The following ZNF407 variants were observed in gnomAD, a reference collection of about 807,000 sequenced individuals.
ZNF407 encodes zinc finger protein 407.
A neutral mutation model predicts 131.2 loss-of-function variants in ZNF407; 17 were observed. The observed-to-expected ratio is 0.13, with a 90% CI of 0.09 to 0.19. The LOEUF (loss-of-function observed/expected upper bound fraction) is 0.19, where lower values mean the gene tolerates loss of function less well. Among genes scored for constraint, ZNF407 ranks in the 10% least tolerant of loss-of-function variants. The pLI, the probability that ZNF407 is intolerant of heterozygous loss-of-function variation, is 1.00. For missense variants in ZNF407, 2,681 were observed against 2,830.6 expected, an observed-to-expected ratio of 0.95 and a Z score of 1.20; for synonymous variants, 1,156 against 1,062.0, an observed-to-expected ratio of 1.09 and a Z score of -1.72.
At chr18:74,840,921 A>T (rs1360333062) in intron 4 of ZNF407, among the ~76,000 whole-genome samples, 1 of 152,212 alleles carries the variant, frequency 6.6e-6, no homozygotes, top group Non-Finnish European at 1.5e-5. Context: ...TCAGTTTGGT[A>T]AACACATTGA....
intron 3 of ZNF407, among the ~76,000 whole-genome samples, chr18:74,668,447 T>C (rs535111988): frequency 6.6e-6 from 1 of 152,364 alleles, no homozygotes; most frequent in African/African-American, 2.4e-5. Flanking sequence ...TAATGAATTG[T>C]TCTGTTCATC....
intron 4 of ZNF407, among the ~76,000 whole-genome samples, chr18:74,860,974 A>G (rs143515277): frequency 1.3e-5 from 2 of 152,224 alleles, no homozygotes; most frequent in African/African-American, 4.8e-5. Context: ...ACAAATATGG[A>G]CACATGAATA....
chr18:74,843,683 C>A (rs921774111), intron 4 of ZNF407, among the ~76,000 whole-genome samples: 5 of 152,140 alleles, frequency 3.3e-5, no homozygotes, highest in African/African-American at 1.2e-4. Flanking sequence ...CAAAATCTTG[C>A]TTTAATTTTT....
intron 8 of ZNF407, among the ~76,000 whole-genome samples, chr18:74,931,168 T>A (rs1430324103): frequency 6.6e-6 from 1 of 152,206 alleles, no homozygotes; most frequent in Non-Finnish European, 1.5e-5. Flanking sequence ...TCTTGGATGT[T>A]ACTCCGAAAG....
intron 8 of ZNF407, among the ~76,000 whole-genome samples, chr18:75,050,655 T>C (rs1205830892): frequency 7.2e-5 from 11 of 152,254 alleles, no homozygotes; most frequent in Non-Finnish European, 8.8e-5. Context: ...GCCTGTTCTC[T>C]GTCCAAGAGG....
intron 4 of ZNF407, among the ~76,000 whole-genome samples, chr18:74,813,000 T>G (rs1970218443): frequency 6.6e-6 from 1 of 152,220 alleles, no homozygotes. Context: ...ATTTCATCTC[T>G]TTGATGTGGT....
At chr18:75,036,961 C>T (rs1020429753) in intron 8 of ZNF407, among the ~76,000 whole-genome samples, 6 of 152,212 alleles carry the variant, frequency 3.9e-5, no homozygotes, top group Non-Finnish European at 7.3e-5. Flanking sequence ...TCTAGAACTA[C>T]GCGGATTGTC....
rs1238607079 is a variant in ZNF407 at position 74,635,419 on chromosome 18, G to T, written c.4400G>T (p.Gly1467Val). The change falls in exon 2 of 9, where the codon GGC becomes GTC. Residue 1467 changes from glycine (G) to valine (V), a missense_variant. Gly to Val is a moderately radical substitution (Grantham distance 109). Transcript: ENST00000299687. This position sits in a 1 kb window ranked among gnomAD's most constrained non-coding sequence, Gnocchi z 4.7. The part of the protein sequence containing the change: ...SNLHQHLASA[G>V]HMRNEQASVE... ...CTTCACCAGCATCTGGCTAGTGCCG[G>T]CCACATGAGAAATGAGCAGGCCAGT... The T allele has an allele frequency of 1.2e-6, 2 of 1,613,660 alleles. No homozygotes were observed. Among genetic ancestry groups the T allele is most frequent in the African/African-American group, 2.7e-5 (2 of 75,046 alleles).
At chr18:74,670,502 T>C (rs1188245678) in intron 3 of ZNF407, among the ~76,000 whole-genome samples, 3 of 152,186 alleles carry the variant, frequency 2.0e-5, no homozygotes, top group Non-Finnish European at 4.4e-5. Flanking sequence ...CTTTTAAGAC[T>C]AGTGAATACA....
chr18:74,622,017 C>T (rs1476591152), intron 1 of ZNF407, among the ~76,000 whole-genome samples: 1 of 152,090 alleles, frequency 6.6e-6, no homozygotes, highest in African/African-American at 2.4e-5. Flanking sequence ...TGTATACTCT[C>T]TTCTCGTGGA....
At chr18:74,781,317 A>G (rs1181407699) in intron 3 of ZNF407, 111 bp from the exon 4 acceptor site, 6 of 754,532 alleles carry the variant, frequency 8.0e-6, no homozygotes, top group Non-Finnish European at 1.1e-5. Context: ...CCACTGTAAT[A>G]CGCTTTTTAT....
chr18:74,788,364 A>G (rs769406994), intron 4 of ZNF407, among the ~76,000 whole-genome samples: 7 of 152,166 alleles, frequency 4.6e-5, no homozygotes, highest in Non-Finnish European at 7.3e-5. Context: ...GTGATTAGGC[A>G]TATTTTAATT....
At chr18:74,719,370 A>C (rs747809887) in intron 3 of ZNF407, among the ~76,000 whole-genome samples, 11 of 139,626 alleles carry the variant, frequency 7.9e-5, no homozygotes, top group Non-Finnish European at 1.4e-4. Context: ...CCTCTGTTCT[A>C]CTTTTTACTT....
intron 7 of ZNF407, among the ~76,000 whole-genome samples, chr18:74,916,740 C>T (rs1364930264): frequency 2.4e-5 from 3 of 123,912 alleles, no homozygotes; most frequent in African/African-American, 3.4e-5. Context: ...CATGTGTGTG[C>T]TGGTATGGTG....
In ZNF407 at chr18:74,635,486, C is replaced by T. The variant is rs950890990; in HGVS notation, c.4467C>T (p.Val1489=). ...AGGGAGGGGCCACCTTTAAATGTGT[C>T]AAGTGCACAGAGCCCTTTGATTCTG... ...LPEGGATFKC[V]KCTEPFDSEQ... is the part of the protein sequence containing the mutation. The change falls in exon 2 of 9, where the codon GTC becomes GTT. Residue 1489 remains valine, a synonymous_variant. Coordinates refer to ENST00000299687, the MANE Select transcript of ZNF407 (RefSeq NM_017757.3). This position sits in a 1 kb window ranked among gnomAD's most constrained non-coding sequence, Gnocchi z 4.7. 6.2e-6 allele frequency: 10 copies of T among 1,612,452 alleles called. No homozygotes were observed. The highest frequency in any genetic ancestry group is 8.5e-6 in the Non-Finnish European group (10 of 1,179,112).
chr18:74,889,617 C>G (rs186213875), intron 6 of ZNF407, among the ~76,000 whole-genome samples: 72 of 152,204 alleles, frequency 4.7e-4, no homozygotes, highest in African/African-American at 1.7e-3. Flanking sequence ...GTTTATTAAA[C>G]CATTCTAAAT....
At chr18:74,793,261 T>G (rs910570532) in intron 4 of ZNF407, among the ~76,000 whole-genome samples, 1 of 152,170 alleles carries the variant, frequency 6.6e-6, no homozygotes, top group Non-Finnish European at 1.5e-5. Flanking sequence ...ATTTTGGATA[T>G]AATCATTGTT....
chr18:74,776,189 C>T (rs1969467781), intron 3 of ZNF407, among the ~76,000 whole-genome samples: 1 of 152,186 alleles, frequency 6.6e-6, no homozygotes, highest in African/African-American at 2.4e-5. Flanking sequence ...AACCTGTTTG[C>T]CCCTTCTGCC....
chr18:74,891,822 C>T (rs1324857771), intron 7 of ZNF407, among the ~76,000 whole-genome samples: 5 of 152,150 alleles, frequency 3.3e-5, no homozygotes, highest in Non-Finnish European at 5.9e-5. Flanking sequence ...ACCCTTACCT[C>T]TTAGGATTAT....
Sources: allele counts gnomAD v4.1 joint callset (sites outside exome capture counted in the v4.1 genomes callset), GRCh38; gene constraint gnomAD v4.1.1; non-coding constraint Gnocchi (gnomAD v3.1); transcripts MANE v1.5; gene names NCBI Gene and HGNC (gene_info 2026-07-23, HGNC 2026-07-21).